The following SHISA8 variants were observed in gnomAD, a reference collection of about 807,000 sequenced individuals.
SHISA8 encodes protein shisa-8.
A neutral mutation model predicts 21.1 loss-of-function variants in SHISA8; 21 were observed. That is an observed-to-expected ratio of 0.99 (90% CI 0.71 to 1.43). The LOEUF (loss-of-function observed/expected upper bound fraction) is 1.43, where lower values mean the gene tolerates loss of function less well. Ranked by LOEUF, SHISA8 falls within the 40% of genes most tolerant of loss-of-function variation. The pLI, the probability that SHISA8 is intolerant of heterozygous loss-of-function variation, is 0.00. For synonymous variants in SHISA8, 300 were observed against 291.4 expected, an observed-to-expected ratio of 1.03 and a Z score of -0.30; for missense variants, 535 against 599.1, an observed-to-expected ratio of 0.89 and a Z score of 1.12.
rs898666116 is a variant in SHISA8, at chr22:41,910,229, G to A, written c.812-82C>T. On this transcript the variant is annotated intron_variant, in intron 3 of 3. Coordinates refer to ENST00000621082, the MANE Select transcript of SHISA8 (RefSeq NM_001207020.3). This position sits in a 1 kb window ranked among gnomAD's most constrained non-coding sequence, Gnocchi z 6.8. ...GGACAAGGGGTCCCGGCCGGGGACT[G>A]GGACGGGGACCGGGCCGGGGCGGGC... The A allele has an allele frequency of 8.2e-6, 10 of 1,224,336 alleles. No individual in the cohort carries two copies. Among genetic ancestry groups the A allele is most frequent in the Admixed American group, 4.3e-5 (1 of 23,238 alleles). The allele number at this position is 1,224,336 out of a possible 1,614,324, so 75.8% of individuals were successfully genotyped here.
Position 41,914,586 on chromosome 22 carries a change from ACGCGAGCCGAAGCGCGAG to A in SHISA8, c.64_81del (p.Ala23_Leu28del), listed in dbSNP as rs2146579971. ...CCCGACGGCGGCCGCGCCAGCAGCAACGCGAGCCGAAGCGCGAGCGCGAGCCGGAGGCCGGGAGGACGG... is the reference window on the plus strand; with the variant it reads ...CCCGACGGCGGCCGCGCCAGCAGCAACGCGAGCCGGAGGCCGGGAGGACGG... On this transcript the variant is annotated inframe_deletion, in exon 1 of 4. Transcript: ENST00000621082. The surrounding 1 kb of genome is among the most constrained non-coding windows in gnomAD (Gnocchi z 6.8). 8.8e-7 allele frequency: 1 copy of A among 1,131,980 alleles called. No homozygotes were observed. The highest frequency in any genetic ancestry group is 1.7e-5 in the African/African-American group (1 of 59,004). The allele number at this position is 1,131,980 out of a possible 1,614,324, so 70.1% of individuals were successfully genotyped here. A position where few individuals can be genotyped will look rare whatever the true frequency, so the allele number is the denominator to read the frequency against.
rs892886183 is a variant in SHISA8, at chr22:41,914,842, C to T, written c.-175G>A. Among the ~76,000 whole-genome samples the T allele has an allele frequency of 3.3e-5, 5 of 151,228 alleles. No individual in the cohort carries two copies. The highest frequency in any genetic ancestry group is 9.7e-5 in the African/African-American group (4 of 41,292). ...TGGGCTGGGTCTGGAGCTCCGAGGC[C>T]GCACCTCCGGTGGGCGCGTCCTCCG... On this transcript the variant is annotated 5_prime_UTR_variant, in exon 1 of 4. Transcript: ENST00000621082. The surrounding 1 kb of genome is among the most constrained non-coding windows in gnomAD (Gnocchi z 6.8).
rs560421633 is a variant in SHISA8 at position 41,910,096 on chromosome 22, G to C, written c.863C>G (p.Pro288Arg). The C allele has an allele frequency of 5.6e-3, 6,950 of 1,239,556 alleles. 24 individuals are homozygous for C. The highest frequency in any genetic ancestry group is 6.2e-3 in the Non-Finnish European group (6,188 of 994,850). 76.8% of individuals were successfully genotyped at this position (1,239,556 alleles called of 1,614,324 possible). A position where few individuals can be genotyped will look rare whatever the true frequency, so the allele number is the denominator to read the frequency against. Residue 288 changes from proline to arginine, a missense_variant, in exon 4 of 4, where the codon CCG becomes CGG. By Grantham distance (103) the Pro-to-Arg change is moderately radical. Transcript: ENST00000621082. This position sits in a 1 kb window ranked among gnomAD's most constrained non-coding sequence, Gnocchi z 6.8. ...CGGAGCCCGCGCCGGGGGTTGCCGC[G>C]GGGACGGCTCGAGGGCGGGGAAACG... ...CQRFPALEPS[P>R]RQPPARAPRP...
rs940361634 is a variant in SHISA8, at chr22:41,910,632, C to T, written c.665-78G>A. 3 of 1,207,370 alleles carry T rather than the reference C, an allele frequency of 2.5e-6. No individual in the cohort carries two copies. The Admixed American group carries it at 1.3e-4, about 53-fold the overall frequency. The allele number at this position is 1,207,370 out of a possible 1,614,324, so 74.8% of individuals were successfully genotyped here. ...CTCGCTGTCACCTCTCCGTAGTCCTCTCCCCGAGGCCGTTCGGTGAGAACC... is the reference window on the plus strand; with the variant it reads ...CTCGCTGTCACCTCTCCGTAGTCCTTTCCCCGAGGCCGTTCGGTGAGAACC... On this transcript the variant is annotated intron_variant, in intron 2 of 3. Transcript: ENST00000621082. This position sits in a 1 kb window ranked among gnomAD's most constrained non-coding sequence, Gnocchi z 6.8.
In SHISA8 at chr22:41,914,184, C is replaced by G. The variant is rs771202601; in HGVS notation, c.484G>C (p.Gly162Arg). The part of the protein sequence containing the change: ...LVLAGIGARL[G>R]LERAHSPRAR... ...CGCGGGCTGTGCGCCCTCTCCAGTCCCAGGCGCGCCCCGATGCCGGCCAGC... is the reference window on the plus strand; with the variant it reads ...CGCGGGCTGTGCGCCCTCTCCAGTCGCAGGCGCGCCCCGATGCCGGCCAGC... Residue 162 changes from glycine (G) to arginine (R), a missense_variant, in exon 1 of 4, where the codon GGA becomes CGA. Physicochemically the swap from Gly to Arg is moderately radical, Grantham distance 125. Transcript: ENST00000621082. This position sits in a 1 kb window ranked among gnomAD's most constrained non-coding sequence, Gnocchi z 6.8. 2 of 1,466,866 alleles carry G rather than the reference C, an allele frequency of 1.4e-6. No individual in the cohort carries two copies. The highest frequency in any genetic ancestry group is 2.6e-5 in the South Asian group (2 of 76,474). The allele number at this position is 1,466,866 out of a possible 1,614,324, so 90.9% of individuals were successfully genotyped here.
chr22:41,910,175 C>T lies in SHISA8; in HGVS notation c.812-28G>A. The T allele has an allele frequency of 8.1e-7, 1 of 1,229,390 alleles. No individual in the cohort carries two copies. Among genetic ancestry groups the T allele is most frequent in the Non-Finnish European group, 1.0e-6 (1 of 987,436 alleles). 76.2% of individuals were successfully genotyped at this position (1,229,390 alleles called of 1,614,324 possible). A position where few individuals can be genotyped will look rare whatever the true frequency, so the allele number is the denominator to read the frequency against. ...GCGGGGACAGGGCAGGGAAGAGTGACGCCGCGCCGAGCACCCAAGCTCAGG... is the reference window on the plus strand; with the variant it reads ...GCGGGGACAGGGCAGGGAAGAGTGATGCCGCGCCGAGCACCCAAGCTCAGG... On this transcript the variant is annotated intron_variant, in intron 3 of 3. Transcript: ENST00000621082. This position sits in a 1 kb window ranked among gnomAD's most constrained non-coding sequence, Gnocchi z 6.8.
rs553826753 is a variant in SHISA8 at position 41,915,058 on chromosome 22, A to C, written c.-391T>G. ...TGCGCTACCTTCCCGCCGCGCTCTC[A>C]GTACAGCCCGCGCTCTGGCTCCGGC... On this transcript the variant is annotated 5_prime_UTR_variant, in exon 1 of 4. Coordinates refer to ENST00000621082, the MANE Select transcript of SHISA8 (RefSeq NM_001207020.3). The surrounding 1 kb of genome is among the most constrained non-coding windows in gnomAD (Gnocchi z 5.0). Among the ~76,000 whole-genome samples, 999 of 151,330 alleles carry C rather than the reference A, an allele frequency of 6.6e-3. 7 individuals carry two copies. The highest frequency in any genetic ancestry group is 7.7e-3 in the Non-Finnish European group (525 of 67,810).
chr22:41,914,770 G>T lies in SHISA8; in HGVS notation c.-103C>A. 1 of 882,448 alleles carries T rather than the reference G, an allele frequency of 1.1e-6. No individual in the cohort carries two copies. Among genetic ancestry groups the T allele is most frequent in the Non-Finnish European group, 1.4e-6 (1 of 735,344 alleles). 54.7% of individuals were successfully genotyped at this position (882,448 alleles called of 1,614,324 possible). ...CGCAGGGATCGCGCTGGCTCCCGGC[G>T]CACGCCGCCTCGGCCGTCGGCCTCC... On this transcript the variant is annotated 5_prime_UTR_variant, in exon 1 of 4. Transcript: ENST00000621082. The surrounding 1 kb of genome is among the most constrained non-coding windows in gnomAD (Gnocchi z 6.8).
Position 41,909,900 on chromosome 22 carries a change from G to T in SHISA8, c.1059C>A (p.Pro353=). Residue 353 remains proline, a synonymous_variant, in exon 4 of 4, where the codon CCC becomes CCA. Coordinates refer to ENST00000621082, the MANE Select transcript of SHISA8 (RefSeq NM_001207020.3). The part of the protein sequence containing the change: ...TARAFQVPRR[P]GHAARRQFSV... ...TGAACTGGCGCCGGGCCGCGTGCCC[G>T]GGTCGCCGGGGTACCTGGAAGGCCC... 1 of 1,528,110 alleles carries T rather than the reference G, an allele frequency of 6.5e-7. No homozygotes were observed. The highest frequency in any genetic ancestry group is 8.7e-7 in the Non-Finnish European group (1 of 1,143,596). The allele number at this position is 1,528,110 out of a possible 1,614,324, so 94.7% of individuals were successfully genotyped here.
chr22:41,914,230 G>T lies in SHISA8; in HGVS notation c.438C>A (p.Cys146Ter). 2 of 1,443,480 alleles carry T rather than the reference G, an allele frequency of 1.4e-6. No individual in the cohort carries two copies. Among genetic ancestry groups the T allele is most frequent in the Non-Finnish European group, 1.8e-6 (2 of 1,107,336 alleles). The allele number at this position is 1,443,480 out of a possible 1,614,324, so 89.4% of individuals were successfully genotyped here. Reference protein sequence around the residue: ...ERSHTAVYAVCGVAALLVLAG... With the variant: ...ERSHTAVYAV ...CCAGCACCAGCAGCGCTGCGACGCC[G>T]CACACAGCGTAGACGGCCGTATGGC... Residue 146 changes from cysteine (C) to a stop codon, truncating the protein, a stop_gained, in exon 1 of 4, where the codon TGC becomes TGA. Coordinates refer to ENST00000621082, the MANE Select transcript of SHISA8 (RefSeq NM_001207020.3). LOFTEE classifies it high-confidence loss of function. The surrounding 1 kb of genome is among the most constrained non-coding windows in gnomAD (Gnocchi z 6.8).
Position 41,909,627 on chromosome 22 carries a change from T to C in SHISA8, c.*138A>G, listed in dbSNP as rs1436910061. On this transcript the variant is annotated 3_prime_UTR_variant, in exon 4 of 4. Coordinates refer to ENST00000621082, the MANE Select transcript of SHISA8 (RefSeq NM_001207020.3). ...TTATTTACAAGACGAACCCGCGGCC[T>C]GCAGGCTCCAAGACACCACTGCCGT... is the stretch of plus-strand genomic sequence containing the variant. 1.7e-6 allele frequency: 2 copies of C among 1,181,590 alleles called. No homozygotes were observed. Among genetic ancestry groups the C allele is most frequent in the East Asian group, 6.3e-5 (2 of 31,832 alleles). 73.2% of individuals were successfully genotyped at this position (1,181,590 alleles called of 1,614,324 possible).
At chr22:41,911,456 TCCAGGC>T in intron 1 of SHISA8, 107 bp from the exon 2 acceptor site, 1 of 1,149,928 alleles carries the variant, frequency 8.7e-7, no homozygotes, top group East Asian at 3.2e-5. Flanking sequence ...TTTCGGCCTC[TCCAGGC>T]CGTCCTCTCC....
Position 41,914,772 on chromosome 22 carries a change from A to G in SHISA8, c.-105T>C. On this transcript the variant is annotated 5_prime_UTR_variant, in exon 1 of 4. Coordinates refer to ENST00000621082, the MANE Select transcript of SHISA8 (RefSeq NM_001207020.3). The surrounding 1 kb of genome is among the most constrained non-coding windows in gnomAD (Gnocchi z 6.8). ...CAGGGATCGCGCTGGCTCCCGGCGC[A>G]CGCCGCCTCGGCCGTCGGCCTCCTC... is the stretch of plus-strand genomic sequence containing the variant. The G allele has an allele frequency of 1.1e-6, 1 of 874,658 alleles. No homozygotes were observed. The highest frequency in any genetic ancestry group is 1.4e-6 in the Non-Finnish European group (1 of 728,580). The allele number at this position is 874,658 out of a possible 1,614,324, so 54.2% of individuals were successfully genotyped here.
chr22:41,911,090 C>A (rs2077550043), intron 2 of SHISA8, 126 bp downstream of exon 2: 3 of 1,188,054 alleles, frequency 2.5e-6, no homozygotes, highest in Non-Finnish European at 2.1e-6. Context: ...GGGCCCCTCA[C>A]CCGCAGAGGC....
chr22:41,910,365 CG>C lies in SHISA8; in HGVS notation c.811+42del, dbSNP rs2077541069. On this transcript the variant is annotated intron_variant, in intron 3 of 3. Transcript: ENST00000621082. The surrounding 1 kb of genome is among the most constrained non-coding windows in gnomAD (Gnocchi z 6.8). ...CCCCGCGCTTCGCAGTCCGGGAGCT[CG>C]TGCGCCCAGGTGCCCTGACGCTGCC... The C allele has an allele frequency of 1.6e-6, 2 of 1,275,002 alleles. No homozygotes were observed. Among genetic ancestry groups the C allele is most frequent in the Admixed American group, 8.4e-5 (2 of 23,814 alleles). 79.0% of individuals were successfully genotyped at this position (1,275,002 alleles called of 1,614,324 possible). A position where few individuals can be genotyped will look rare whatever the true frequency, so the allele number is the denominator to read the frequency against.
In SHISA8 at chr22:41,914,802, G is replaced by C; in HGVS notation, c.-135C>G. The C allele has an allele frequency of 1.5e-6, 1 of 648,984 alleles. No homozygotes were observed. Among genetic ancestry groups the C allele is most frequent in the Non-Finnish European group, 1.9e-6 (1 of 521,402 alleles). 40.2% of individuals were successfully genotyped at this position (648,984 alleles called of 1,614,324 possible). A position where few individuals can be genotyped will look rare whatever the true frequency, so the allele number is the denominator to read the frequency against. ...GCCTCGGCCGTCGGCCTCCTCTGGG[G>C]ACCCCAGCCCCGAGTGGGCTGGGTC... On this transcript the variant is annotated 5_prime_UTR_variant, in exon 1 of 4. Coordinates refer to ENST00000621082, the MANE Select transcript of SHISA8 (RefSeq NM_001207020.3). This position sits in a 1 kb window ranked among gnomAD's most constrained non-coding sequence, Gnocchi z 6.8.
chr22:41,909,836 CG>C lies in SHISA8; in HGVS notation c.1122del (p.Gly375AlafsTer13). 3.3e-6 allele frequency: 5 copies of C among 1,527,218 alleles called. No individual in the cohort carries two copies. Among genetic ancestry groups the C allele is most frequent in the Non-Finnish European group, 4.4e-6 (5 of 1,143,084 alleles). The allele number at this position is 1,527,218 out of a possible 1,614,324, so 94.6% of individuals were successfully genotyped here. On this transcript the variant is annotated frameshift_variant, in exon 4 of 4. Coordinates refer to ENST00000621082, the MANE Select transcript of SHISA8 (RefSeq NM_001207020.3). LOFTEE classifies it high-confidence loss of function. ...CCGCGGCCCGCGCTGCCGTAAAGGC[CG>C]GGGAGCTGCGGGTTGAAGGTCTCAG... is the stretch of plus-strand genomic sequence containing the variant. The part of the protein sequence containing the change: ...KMPETFNPQL[P>X]GLYGSAGRGS...
intron 1 of SHISA8, among the ~76,000 whole-genome samples, chr22:41,913,598 G>C (rs1002422575): frequency 6.6e-6 from 1 of 152,212 alleles, no homozygotes; most frequent in Non-Finnish European, 1.5e-5. Context: ...CCTTCACCTG[G>C]GAGCTGTGGC....
In SHISA8 at chr22:41,914,554, C is replaced by G. The variant is rs1322810405; in HGVS notation, c.114G>C (p.Ala38=). Residue 38 remains alanine, a synonymous_variant, in exon 1 of 4, where the codon GCG becomes GCC. Coordinates refer to ENST00000621082, the MANE Select transcript of SHISA8 (RefSeq NM_001207020.3). The surrounding 1 kb of genome is among the most constrained non-coding windows in gnomAD (Gnocchi z 6.8). ...LLLARPPSGR[A]GAPEAQGPAA... is the part of the protein sequence containing the mutation. Reference sequence around the variant, plus strand: ...CGGGACCCTGCGCCTCGGGGGCTCCCGCGCGGCCCGACGGCGGCCGCGCCA... The same window carrying G: ...CGGGACCCTGCGCCTCGGGGGCTCCGGCGCGGCCCGACGGCGGCCGCGCCA... 8.4e-7 allele frequency: 1 copy of G among 1,187,284 alleles called. No homozygotes were observed. Among genetic ancestry groups the G allele is most frequent in the Non-Finnish European group, 1.0e-6 (1 of 960,246 alleles). The allele number at this position is 1,187,284 out of a possible 1,614,324, so 73.5% of individuals were successfully genotyped here.
Sources: allele counts gnomAD v4.1 joint callset (sites outside exome capture counted in the v4.1 genomes callset), GRCh38; gene constraint gnomAD v4.1.1; non-coding constraint Gnocchi (gnomAD v3.1); transcripts MANE v1.5; gene names NCBI Gene and HGNC (gene_info 2026-07-23, HGNC 2026-07-21).